PELI2: variants seen among roughly 807,000 people sequenced by gnomAD.
PELI2 encodes the protein E3 ubiquitin-protein ligase pellino homolog 2.
A neutral mutation model predicts 42.3 loss-of-function variants in PELI2; 23 were observed. The ratio of observed to expected loss-of-function variants is 0.54; its 90% CI spans 0.39 to 0.77. PELI2 has a LOEUF of 0.77. Among genes scored for constraint, PELI2 ranks in the 30% least tolerant of loss-of-function variants. PELI2 has a pLI of 0.00. For missense variants in PELI2, 463 were observed against 553.2 expected, an observed-to-expected ratio of 0.84 and a Z score of 1.64; for synonymous variants, 245 against 212.2, an observed-to-expected ratio of 1.15 and a Z score of -1.34.
rs1379143197 is a variant in PELI2, at chr14:56,197,914, AAGACAC to A, written c.207+19452_207+19457del. ...CACACACCAGGAATGGTGACTGGTG[AAGACAC>A]ACACACACACACACACACACACACA... On this transcript the variant is annotated intron_variant, in intron 2 of 5. Coordinates refer to ENST00000267460, the MANE Select transcript of PELI2 (RefSeq NM_021255.3). This position sits in a 1 kb window ranked among gnomAD's most constrained non-coding sequence, Gnocchi z 4.9. 1.3e-5 allele frequency among the ~76,000 whole-genome samples: 1 copy of A among 75,458 alleles called. No homozygotes were observed. Among genetic ancestry groups the A allele is most frequent in the Non-Finnish European group, 2.5e-5 (1 of 40,152 alleles). 49.5% of individuals were successfully genotyped at this position (75,458 alleles called of 152,430 possible).
intron 2 of PELI2, among the ~76,000 whole-genome samples, chr14:56,223,179 C>G (rs554937239): frequency 4.6e-5 from 7 of 152,290 alleles, no homozygotes; most frequent in South Asian, 2.1e-4. Context: ...GCAAATTGCA[C>G]TATTCTCACC....
At chr14:56,193,516 A>G (rs1236945984) in intron 2 of PELI2, among the ~76,000 whole-genome samples, 1 of 152,204 alleles carries the variant, frequency 6.6e-6, no homozygotes, top group East Asian at 1.9e-4. Context: ...AAACCTGACA[A>G]TGGGAAAGGA....
chr14:56,125,880 A>C (rs905382982), intron 1 of PELI2, among the ~76,000 whole-genome samples: 2 of 151,934 alleles, frequency 1.3e-5, no homozygotes, highest in Non-Finnish European at 2.9e-5. Flanking sequence ...CCTCTTGGAG[A>C]AATGGATTTC....
At chr14:56,276,997 G>A (rs1036158298) in intron 2 of PELI2, among the ~76,000 whole-genome samples, 10 of 152,196 alleles carry the variant, frequency 6.6e-5, no homozygotes, top group Admixed American at 5.2e-4. Context: ...CCTTTTTCAT[G>A]TGCTACATAG....
intron 1 of PELI2, among the ~76,000 whole-genome samples, chr14:56,124,645 A>G (rs568724981): frequency 2.2e-4 from 33 of 152,220 alleles, no homozygotes; most frequent in Non-Finnish European, 4.7e-4. Context: ...TGAACAAGAC[A>G]GTCATGGTCC....
chr14:56,235,855 G>A, intron 2 of PELI2, among the ~76,000 whole-genome samples: 1 of 152,186 alleles, frequency 6.6e-6, no homozygotes, highest in Non-Finnish European at 1.5e-5. Flanking sequence ...GGGCATTTCT[G>A]CGTACATTTA....
At chr14:56,294,326 T>C (rs10144612) in intron 5 of PELI2, among the ~76,000 whole-genome samples, 33,346 of 152,104 alleles carry the variant, frequency 0.22, 4,758 homozygotes, top group African/African-American at 0.4. Flanking sequence ...CTCTTGCACC[T>C]GCCTGTGGGC....
intron 2 of PELI2, among the ~76,000 whole-genome samples, chr14:56,233,857 C>G (rs1566654373): frequency 6.6e-6 from 1 of 152,206 alleles, no homozygotes; most frequent in Non-Finnish European, 1.5e-5. Context: ...ATCTACCCAT[C>G]TGACAAAGGG....
chr14:56,212,029 G>T (rs914368600), intron 2 of PELI2, among the ~76,000 whole-genome samples: 6 of 152,178 alleles, frequency 3.9e-5, no homozygotes, highest in African/African-American at 7.2e-5. Context: ...CTTATGTGCT[G>T]GGAATAGTCC....
chr14:56,159,531 A>G (rs1440335300), intron 1 of PELI2, among the ~76,000 whole-genome samples: 1 of 152,222 alleles, frequency 6.6e-6, no homozygotes, highest in Non-Finnish European at 1.5e-5. Context: ...TTCTTGCATT[A>G]TACAAATAAG....
At chr14:56,216,249 AG>A in intron 2 of PELI2, among the ~76,000 whole-genome samples, 1 of 152,342 alleles carries the variant, frequency 6.6e-6, no homozygotes, top group East Asian at 1.9e-4. Flanking sequence ...TTCAAGGTCA[AG>A]GGGAAAATAC....
intron 2 of PELI2, among the ~76,000 whole-genome samples, chr14:56,238,381 C>A (rs1386402383): frequency 1.3e-5 from 2 of 152,126 alleles, no homozygotes; most frequent in Non-Finnish European, 2.9e-5. Context: ...ATTAGCATTC[C>A]TGCTGATTTC....
chr14:56,279,558 T>C (rs1889405186), intron 2 of PELI2, 118 bp from the exon 3 acceptor site: 1 of 524,726 alleles, frequency 1.9e-6, no homozygotes, highest in Admixed American at 3.1e-5. Flanking sequence ...CCTGACTGTG[T>C]GGAAAATGCT....
At chr14:56,279,613 A>G (rs1594710027) in intron 2 of PELI2, 63 bp from the exon 3 acceptor site, 3 of 935,590 alleles carry the variant, frequency 3.2e-6, no homozygotes, top group South Asian at 2.9e-5. Context: ...TCATAACTAC[A>G]GGCAGAATTG....
chr14:56,257,606 A>G (rs1247040898), intron 2 of PELI2, among the ~76,000 whole-genome samples: 1 of 152,200 alleles, frequency 6.6e-6, no homozygotes, highest in Non-Finnish European at 1.5e-5. Context: ...TTCCACTTCC[A>G]TGCATGAAGA....
rs1420339675 is a variant in PELI2 at position 56,262,152 on chromosome 14, A to C, written c.208-17524A>C. 3.9e-5 allele frequency among the ~76,000 whole-genome samples: 6 copies of C among 152,252 alleles called. No homozygotes were observed. In the East Asian group the frequency reaches 1.2e-3, roughly 29 times the overall value. ...TATTTTAAACTGCAATTTACAGGCA[A>C]AATCCTAAGGCAAATCTGTCCTTTC... is the stretch of plus-strand genomic sequence containing the variant. On this transcript the variant is annotated intron_variant, in intron 2 of 5. Coordinates refer to ENST00000267460, the MANE Select transcript of PELI2 (RefSeq NM_021255.3).
chr14:56,120,814 T>G (rs756111039), intron 1 of PELI2, among the ~76,000 whole-genome samples: 1 of 152,192 alleles, frequency 6.6e-6, no homozygotes, highest in African/African-American at 2.4e-5. Flanking sequence ...ATTGGTTTCT[T>G]CGGCTGGAAG....
intron 1 of PELI2, among the ~76,000 whole-genome samples, chr14:56,167,032 G>A (rs560192592): frequency 6.0e-4 from 92 of 152,110 alleles, no homozygotes; most frequent in African/African-American, 2.1e-3. Context: ...CTCATGATCC[G>A]CCCGCCTCAG....
intron 2 of PELI2, among the ~76,000 whole-genome samples, chr14:56,221,581 C>T (rs991544858): frequency 2.0e-5 from 3 of 152,192 alleles, no homozygotes; most frequent in Non-Finnish European, 4.4e-5. Flanking sequence ...AGACTTATCA[C>T]GATGAGAGAC....
Sources: allele counts gnomAD v4.1 joint callset (sites outside exome capture counted in the v4.1 genomes callset), GRCh38; gene constraint gnomAD v4.1.1; non-coding constraint Gnocchi (gnomAD v3.1); transcripts MANE v1.5; gene names NCBI Gene and HGNC (gene_info 2026-07-23, HGNC 2026-07-21).